The following SGK1 variants were observed in gnomAD, a reference collection of about 807,000 sequenced individuals.
The protein encoded by SGK1 is serum/glucocorticoid regulated kinase 1, also known as serine/threonine-protein kinase Sgk1.
Under a neutral mutation model 64.2 loss-of-function variants are expected in SGK1, and 26 were observed. That is an observed-to-expected ratio of 0.40 (90% CI 0.30 to 0.56). The LOEUF is 0.56. SGK1 is among the 20% of genes least tolerant of loss of function. The probability of loss-of-function intolerance (pLI) is 0.38; values close to 1 mark genes in which losing one functional copy is unlikely to be tolerated. For synonymous variants in SGK1, 265 were observed against 239.7 expected (o/e 1.11, Z -0.98); for missense variants, 519 against 645.6 (o/e 0.80, Z 2.12).
chr6:134,223,328 A>C (rs910437792), intron 2 of SGK1, among the ~76,000 whole-genome samples: 1 of 151,212 alleles, frequency 6.6e-6, no homozygotes. Flanking sequence ...AGATCGTGCC[A>C]TTGCACTCAA....
rs982949757 is a variant in SGK1, at chr6:134,218,938, A to G, written c.286-11507T>C. Among the ~76,000 whole-genome samples the G allele has an allele frequency of 6.6e-5, 10 of 152,202 alleles. No individual in the cohort carries two copies. The East Asian group carries it at 1.9e-3, about 29-fold the overall frequency. ...TTAAAACACATAACACATTTAGGTT[A>G]CAATGGAACACAGCTTTTCAATGTA... On this transcript the variant is annotated intron_variant, in intron 2 of 13. Coordinates refer to ENST00000367858, the MANE Select transcript of SGK1 (RefSeq NM_001143676.3).
intron 1 of SGK1, among the ~76,000 whole-genome samples, chr6:134,287,805 C>G (rs568409594): frequency 6.6e-6 from 1 of 152,120 alleles, no homozygotes; most frequent in East Asian, 1.9e-4. Context: ...TTGTACTATG[C>G]AAGAGACATA....
chr6:134,175,711 T>G, intron 3 of SGK1: 48 of 1,398,502 alleles, frequency 3.4e-5, no homozygotes, highest in Non-Finnish European at 4.5e-5. Context: ...CGGCGAGCAC[T>G]GACGTTTCCT....
At chr6:134,175,988 C>T in intron 3 of SGK1, 1 of 1,085,768 alleles carries the variant, frequency 9.2e-7, no homozygotes, top group Non-Finnish European at 1.1e-6. Context: ...GAAGTACAAT[C>T]TGCATTTCAC....
At chr6:134,248,445 C>CA (rs1776557828) in intron 2 of SGK1, among the ~76,000 whole-genome samples, 1 of 103,044 alleles carries the variant, frequency 9.7e-6, no homozygotes, top group Non-Finnish European at 1.8e-5. Flanking sequence ...TCTCCTCCGC[C>CA]TTTTTTTTTT....
intron 1 of SGK1, among the ~76,000 whole-genome samples, chr6:134,278,272 A>G (rs531046394): frequency 1.8e-4 from 28 of 152,376 alleles, no homozygotes; most frequent in African/African-American, 6.5e-4. Flanking sequence ...AGATAAATAA[A>G]CAAACGCAAA....
At chr6:134,170,477 C>A (rs941587525) in intron 13 of SGK1, 42 bp from the exon 14 acceptor site, 1 of 1,573,918 alleles carries the variant, frequency 6.4e-7, no homozygotes, top group Admixed American at 1.7e-5. Flanking sequence ...AGAACTCACA[C>A]TAGACACAGG....
intron 2 of SGK1, among the ~76,000 whole-genome samples, chr6:134,210,517 T>C (rs1775871177): frequency 6.6e-6 from 1 of 152,110 alleles, no homozygotes; most frequent in African/African-American, 2.4e-5. Context: ...AGAACATTAC[T>C]ATATTGTGCA....
chr6:134,170,292 C>T lies in SGK1; in HGVS notation c.1557G>A (p.Ala519=), dbSNP rs778728121. 21 of 1,613,258 alleles carry T rather than the reference C, an allele frequency of 1.3e-5. No homozygotes were observed. The East Asian group carries it at 1.3e-4, about 10-fold the overall frequency. The change falls in exon 14 of 14, where the codon GCG becomes GCA. Residue 519 remains alanine, a synonymous_variant. Transcript: ENST00000367858. ...AAEAFLGFSY[A]PPTDSFL ...TTCAGAGGAAAGAGTCCGTGGGAGGCGCATAGGAAAAGCCTAGGAAAGCCT... is the reference window on the plus strand; with the variant it reads ...TTCAGAGGAAAGAGTCCGTGGGAGGTGCATAGGAAAAGCCTAGGAAAGCCT...
chr6:134,174,946 C>T lies in SGK1; in HGVS notation c.362-360G>A. On this transcript the variant is annotated intron_variant, in intron 3 of 13. Transcript: ENST00000367858. ...GCGCGACAGTGAGAAGTGGCCCCGC[C>T]CTTCGCCTCGCCCCTCGCCCCGCCC... 5 of 1,448,766 alleles carry T rather than the reference C, an allele frequency of 3.5e-6. 1 individual carries two copies. In the South Asian group the frequency reaches 5.5e-5, roughly 16 times the overall value. The allele number at this position is 1,448,766 out of a possible 1,614,324, so 89.7% of individuals were successfully genotyped here. A position where few individuals can be genotyped will look rare whatever the true frequency, so the allele number is the denominator to read the frequency against.
intron 11 of SGK1, 89 bp downstream of exon 11, chr6:134,171,548 G>A (rs1562236444): frequency 3.4e-6 from 3 of 892,600 alleles, no homozygotes; most frequent in African/African-American, 1.7e-5. Flanking sequence ...GTACTGGTAA[G>A]GGCAAGACAC....
intron 1 of SGK1, among the ~76,000 whole-genome samples, chr6:134,302,039 G>A (rs1449751010): frequency 6.6e-6 from 1 of 152,216 alleles, no homozygotes; most frequent in Middle Eastern, 3.2e-3. Context: ...AAATATTTTA[G>A]TGAATGGGGA....
intron 2 of SGK1, among the ~76,000 whole-genome samples, chr6:134,237,993 C>T (rs1253411508): frequency 6.6e-6 from 1 of 152,104 alleles, no homozygotes; most frequent in Non-Finnish European, 1.5e-5. Flanking sequence ...ACATCTTATT[C>T]CCCAATATTA....
intron 2 of SGK1, among the ~76,000 whole-genome samples, chr6:134,217,370 C>A (rs560599185): frequency 6.6e-6 from 1 of 152,284 alleles, no homozygotes; most frequent in African/African-American, 2.4e-5. Context: ...GGCAGGCCTG[C>A]AGAATGCGTG....
At chr6:134,235,665 G>C (rs1441297414) in intron 2 of SGK1, among the ~76,000 whole-genome samples, 2 of 151,746 alleles carry the variant, frequency 1.3e-5, no homozygotes, top group Admixed American at 6.6e-5. Flanking sequence ...TCCACCTCCA[G>C]GGTTCAAGTG....
At chr6:134,241,319 G>A (rs539718485) in intron 2 of SGK1, among the ~76,000 whole-genome samples, 1 of 152,134 alleles carries the variant, frequency 6.6e-6, no homozygotes, top group South Asian at 2.1e-4. Flanking sequence ...AAAGTGCTGG[G>A]ATTGCAGGTG....
chr6:134,172,451 C>A (rs1187794614), intron 9 of SGK1, 135 bp from the exon 10 acceptor site: 5 of 904,184 alleles, frequency 5.5e-6, no homozygotes, highest in Non-Finnish European at 8.5e-6. Context: ...AAAAGGGAGC[C>A]CTTGTTCTGC....
chr6:134,262,193 C>T (rs750788177), intron 1 of SGK1, 45 bp from the exon 2 acceptor site: 3 of 1,396,132 alleles, frequency 2.1e-6, no homozygotes, highest in Admixed American at 2.2e-5. Context: ...GTTTGACTCC[C>T]TTTGATGTTT....
At chr6:134,228,099 G>T (rs926031358) in intron 2 of SGK1, among the ~76,000 whole-genome samples, 3 of 151,896 alleles carry the variant, frequency 2.0e-5, no homozygotes, top group African/African-American at 7.3e-5. Context: ...GGGATTACAG[G>T]TGCCTGCCAG....
Sources: allele counts gnomAD v4.1 joint callset (sites outside exome capture counted in the v4.1 genomes callset), GRCh38; gene constraint gnomAD v4.1.1; transcripts MANE v1.5; gene names NCBI Gene and HGNC (gene_info 2026-07-23, HGNC 2026-07-21).